PLXNA2: variants seen among roughly 807,000 people sequenced by gnomAD.
The protein encoded by PLXNA2 is plexin-A2.
In PLXNA2, 91 loss-of-function variants were observed where a neutral mutation model predicts 193.5. The observed-to-expected ratio is 0.47, with a 90% CI of 0.40 to 0.56. PLXNA2 has a LOEUF of 0.56. Among genes scored for constraint, PLXNA2 ranks in the 20% least tolerant of loss-of-function variants. The pLI is 0.00. For missense variants in PLXNA2, 1,995 were observed against 2,503.2 expected, an observed-to-expected ratio of 0.80 and a Z score of 4.33; for synonymous variants, 997 against 1,027.3, an observed-to-expected ratio of 0.97 and a Z score of 0.56.
Position 208,210,294 on chromosome 1 carries a change from C to T in PLXNA2, c.1357G>A (p.Gly453Ser), listed in dbSNP as rs1490341768. The T allele has an allele frequency of 1.2e-6, 2 of 1,613,792 alleles. No individual in the cohort carries two copies. Among genetic ancestry groups the T allele is most frequent in the Admixed American group, 1.7e-5 (1 of 59,992 alleles). Reference protein sequence around the residue: ...YSVVFVGTKSGKLKKIRADGP... With the variant: ...YSVVFVGTKSSKLKKIRADGP... ...TAGACTCTTACCTTTTTCAGCTTGCCACTCTTAGTCCCCACAAAAACCACG... is the reference window on the plus strand; with the variant it reads ...TAGACTCTTACCTTTTTCAGCTTGCTACTCTTAGTCCCCACAAAAACCACG... The change falls in exon 3 of 32, where the codon GGC becomes AGC. Residue 453 changes from glycine (G) to serine (S), a missense_variant. Physicochemically the swap from Gly to Ser is moderately conservative, Grantham distance 56. Transcript: ENST00000367033.
intron 12 of PLXNA2, among the ~76,000 whole-genome samples, chr1:208,070,402 T>C (rs961090048): frequency 4.6e-5 from 7 of 152,208 alleles, no homozygotes; most frequent in Non-Finnish European, 8.8e-5. Context: ...CACTCCCCTC[T>C]TGGCCTTGCC....
rs539239680 is a variant in PLXNA2, at chr1:208,039,902, A to T, written c.4353+90T>A. 5.1e-6 allele frequency: 8 copies of T among 1,578,424 alleles called. No individual in the cohort carries two copies. In the African/African-American group the frequency reaches 6.7e-5, roughly 13 times the overall value. Reference sequence around the variant, plus strand: ...CAGTCCAGGTTCCTGCTCCCGAGGGAGGGGGTCCCCATGCAGCCCTGTGGC... The same window carrying T: ...CAGTCCAGGTTCCTGCTCCCGAGGGTGGGGGTCCCCATGCAGCCCTGTGGC... On this transcript the variant is annotated intron_variant, in intron 23 of 31. Transcript: ENST00000367033.
Position 208,082,991 on chromosome 1 carries a change from G to A in PLXNA2, c.2299-483C>T, listed in dbSNP as rs536589523. Among the ~76,000 whole-genome samples, 15 of 152,252 alleles carry A rather than the reference G, an allele frequency of 9.9e-5. No homozygotes were observed. In the South Asian group the frequency reaches 2.5e-3, roughly 25 times the overall value. On this transcript the variant is annotated intron_variant, in intron 10 of 31. Transcript: ENST00000367033. This position sits in a 1 kb window ranked among gnomAD's most constrained non-coding sequence, Gnocchi z 4.2. ...GCACTGGCACTTTCCAGGATCTGCT[G>A]TGCCTCTTTTCACGTGTCTCCCTAA...
chr1:208,106,380 T>G (rs987968769), intron 4 of PLXNA2, among the ~76,000 whole-genome samples: 2 of 152,224 alleles, frequency 1.3e-5, no homozygotes, highest in African/African-American at 4.8e-5. Flanking sequence ...AACGACAGCA[T>G]TAAAACACAA....
Position 208,044,636 on chromosome 1 carries a change from A to G in PLXNA2, c.3746T>C (p.Leu1249Pro), listed in dbSNP as rs1459603621. ...IVSIAAGGSL[L>P]LIIVIIVLIA... ...GAGGACGATGATGACGATGATGAGG[A>G]GGAGGCTGCCGCCGGCCGCGATGCT... Residue 1249 changes from leucine (L) to proline (P), a missense_variant, in exon 20 of 32, where the codon CTC becomes CCC. By Grantham distance (98) the Leu-to-Pro change is moderately conservative. Around this residue, in one of 3 missense-constraint regions of PLXNA2, gnomAD observed 1,291 missense variants for 1,673.6 expected, o/e 0.77. Transcript: ENST00000367033. The surrounding 1 kb of genome is among the most constrained non-coding windows in gnomAD (Gnocchi z 4.9). The G allele has an allele frequency of 6.2e-7, 1 of 1,614,148 alleles. No homozygotes were observed.
intron 9 of PLXNA2, among the ~76,000 whole-genome samples, chr1:208,086,133 A>G (rs1433228278): frequency 6.6e-6 from 1 of 151,926 alleles, no homozygotes; most frequent in African/African-American, 2.4e-5. Context: ...CAGAATTACA[A>G]TTTCTTGATT....
At chr1:208,115,488 A>G (rs1667606471) in intron 4 of PLXNA2, among the ~76,000 whole-genome samples, 1 of 152,198 alleles carries the variant, frequency 6.6e-6, no homozygotes, top group Non-Finnish European at 1.5e-5. Context: ...TAAGTTATAC[A>G]GCTGGGACTC....
chr1:208,137,004 G>T (rs776185921), intron 4 of PLXNA2, among the ~76,000 whole-genome samples: 5 of 152,220 alleles, frequency 3.3e-5, no homozygotes, highest in Admixed American at 2.0e-4. Flanking sequence ...GTTTAGAGAA[G>T]TTGAATAACA....
intron 12 of PLXNA2, among the ~76,000 whole-genome samples, chr1:208,070,214 A>G (rs1665936910): frequency 6.6e-6 from 1 of 152,238 alleles, no homozygotes; most frequent in Admixed American, 6.5e-5. Context: ...CTTAAGATGT[A>G]CAGATCAAGA....
chr1:208,050,211 T>A lies in PLXNA2; in HGVS notation c.3255+798A>T, dbSNP rs183186327. On this transcript the variant is annotated intron_variant, in intron 17 of 31. Coordinates refer to ENST00000367033, the MANE Select transcript of PLXNA2 (RefSeq NM_025179.4). The stretch of plus-strand genomic sequence containing the variant: ...TAGCATTTATCAACTGCCAACCTTA[T>A]GCCAGCCACGGGCTGGCAGGTTATG... 4.2e-3 allele frequency among the ~76,000 whole-genome samples: 637 copies of A among 152,388 alleles called. 2 individuals are homozygous for A. The highest frequency in any genetic ancestry group is 6.9e-3 in the Non-Finnish European group (470 of 68,036).
intron 29 of PLXNA2, chr1:208,031,311 A>C: frequency 1.6e-6 from 2 of 1,257,738 alleles, no homozygotes; most frequent in Non-Finnish European, 1.0e-6. Context: ...CCAGGGGAGG[A>C]GGCTCTTCTT....
chr1:208,167,299 C>G (rs1435537695), intron 3 of PLXNA2, among the ~76,000 whole-genome samples: 4 of 152,144 alleles, frequency 2.6e-5, no homozygotes, highest in Admixed American at 2.0e-4. Context: ...CTCCCACACC[C>G]CCCTCACAGC....
At chr1:208,225,325 C>T (rs1349962933) in intron 1 of PLXNA2, among the ~76,000 whole-genome samples, 3 of 152,066 alleles carry the variant, frequency 2.0e-5, no homozygotes, top group Admixed American at 6.5e-5. Flanking sequence ...TTTTTTGAGA[C>T]GGGGTCTCGC....
chr1:208,089,754 A>T (rs948900529), intron 9 of PLXNA2, among the ~76,000 whole-genome samples: 5 of 152,320 alleles, frequency 3.3e-5, no homozygotes, highest in African/African-American at 1.2e-4. Flanking sequence ...TTTGATTCAA[A>T]GTTGGGAAGG....
chr1:208,182,850 G>A (rs1191559849), intron 3 of PLXNA2, among the ~76,000 whole-genome samples: 5 of 152,074 alleles, frequency 3.3e-5, no homozygotes, highest in Non-Finnish European at 5.9e-5. Context: ...TGAGTGACCC[G>A]GTGAATTAAT....
chr1:208,237,458 A>C (rs957492035), intron 1 of PLXNA2, among the ~76,000 whole-genome samples: 3 of 152,194 alleles, frequency 2.0e-5, no homozygotes, highest in Non-Finnish European at 2.9e-5. Flanking sequence ...TTTACATAGA[A>C]TACAACACGA....
At chr1:208,059,441 C>T (rs1432305766) in intron 13 of PLXNA2, among the ~76,000 whole-genome samples, 1 of 152,214 alleles carries the variant, frequency 6.6e-6, no homozygotes, top group African/African-American at 2.4e-5. Flanking sequence ...TCACACAGCC[C>T]TCAGAGTCTG....
chr1:208,176,158 C>T (rs1199213695), intron 3 of PLXNA2, among the ~76,000 whole-genome samples: 1 of 151,958 alleles, frequency 6.6e-6, no homozygotes, highest in Non-Finnish European at 1.5e-5. Flanking sequence ...CAGGATGGTG[C>T]TTCTAGCACT....
intron 1 of PLXNA2, among the ~76,000 whole-genome samples, chr1:208,232,867 A>C (rs1225498469): frequency 6.6e-6 from 1 of 152,102 alleles, no homozygotes; most frequent in Non-Finnish European, 1.5e-5. Flanking sequence ...TGGACCTGAC[A>C]CTCCACTTCA....
Sources: gnomAD v4.1 joint callset for allele counts (sites outside exome capture counted in the v4.1 genomes callset) on GRCh38, gnomAD v4.1.1 for gene constraint, gnomAD v4.1.1 regional missense constraint, Gnocchi (gnomAD v3.1) non-coding constraint, MANE v1.5 for transcripts, NCBI Gene and HGNC (gene_info 2026-07-23, HGNC 2026-07-21) for gene names.